CAAP1: variants seen among roughly 807,000 people sequenced by gnomAD.
The protein encoded by CAAP1 is caspase activity and apoptosis inhibitor 1.
In CAAP1, 20 loss-of-function variants were observed where a neutral mutation model predicts 34.0. The observed-to-expected ratio is 0.59, with a 90% CI of 0.41 to 0.86. The LOEUF (loss-of-function observed/expected upper bound fraction) is 0.86, where lower values mean the gene tolerates loss of function less well. CAAP1 is among the 40% of genes least tolerant of loss of function. The probability of loss-of-function intolerance (pLI) is 0.00; values close to 1 mark genes in which losing one functional copy is unlikely to be tolerated. For synonymous variants in CAAP1, 213 were observed against 166.7 expected, an observed-to-expected ratio of 1.28 and a Z score of -2.14; for missense variants, 538 against 450.5, an observed-to-expected ratio of 1.19 and a Z score of -1.76.
intron 1 of CAAP1, among the ~76,000 whole-genome samples, chr9:26,890,333 T>C (rs1823869365): frequency 6.6e-6 from 1 of 151,232 alleles, no homozygotes; most frequent in African/African-American, 2.4e-5. Flanking sequence ...ATGGTGCCAC[T>C]GCACTCCAGC....
In CAAP1 at chr9:26,892,398, G is replaced by A. The variant is rs767367973; in HGVS notation, c.303+15C>T. Reference sequence around the variant, plus strand: ...GCAGCAGCTCCAGGAAGCGGCCAGAGGGGCGCGCACGCACCTGCTGCAAGG... The same window carrying A: ...GCAGCAGCTCCAGGAAGCGGCCAGAAGGGCGCGCACGCACCTGCTGCAAGG... On this transcript the variant is annotated intron_variant, in intron 1 of 5. Coordinates refer to ENST00000333916, the MANE Select transcript of CAAP1 (RefSeq NM_024828.4). 1.9e-5 allele frequency: 30 copies of A among 1,604,214 alleles called. No homozygotes were observed. The highest frequency in any genetic ancestry group is 2.3e-5 in the Non-Finnish European group (27 of 1,178,706).
chr9:26,881,274 G>A (rs546157050), intron 4 of CAAP1, among the ~76,000 whole-genome samples: 32 of 152,272 alleles, frequency 2.1e-4, no homozygotes, highest in East Asian at 9.7e-4. Context: ...ATGCACAGTC[G>A]TTGTTGTAAT....
chr9:26,840,843 T>G lies in CAAP1; in HGVS notation c.*1458A>C, dbSNP rs923011021. ...AGCATATTAACTATTACTTTTAAGT[T>G]GAAATAGAAAAATTATATCACTGTC... On this transcript the variant is annotated 3_prime_UTR_variant, in exon 6 of 6. Coordinates refer to ENST00000333916, the MANE Select transcript of CAAP1 (RefSeq NM_024828.4). 2.6e-5 allele frequency: 4 copies of G among 152,238 alleles called. No individual in the cohort carries two copies. Among genetic ancestry groups the G allele is most frequent in the Admixed American group, 6.5e-5 (1 of 15,284 alleles). The allele number at this position is 152,238 out of a possible 1,614,324, so 9.4% of individuals were successfully genotyped here.
intron 4 of CAAP1, among the ~76,000 whole-genome samples, chr9:26,865,661 A>C (rs1250702858): frequency 6.6e-6 from 1 of 152,228 alleles, no homozygotes; most frequent in Non-Finnish European, 1.5e-5. Context: ...AAAATTCCAA[A>C]ACAAATTTTG....
intron 4 of CAAP1, among the ~76,000 whole-genome samples, chr9:26,878,888 A>T (rs796622691): frequency 1.3e-5 from 2 of 152,196 alleles, no homozygotes; most frequent in Middle Eastern, 3.2e-3. Context: ...GCCCAAAGTA[A>T]ACACTTTGTA....
intron 4 of CAAP1, among the ~76,000 whole-genome samples, chr9:26,878,778 G>A (rs921005084): frequency 5.3e-5 from 8 of 151,444 alleles, no homozygotes; most frequent in Admixed American, 1.3e-4. Context: ...ACTGCACACC[G>A]TACTCCAGCT....
intron 5 of CAAP1, among the ~76,000 whole-genome samples, chr9:26,845,767 TC>T (rs1822585315): frequency 6.6e-6 from 1 of 152,234 alleles, no homozygotes; most frequent in South Asian, 2.1e-4. Context: ...TTAGTCTCTC[TC>T]ATAAGGATAT....
At chr9:26,856,224 T>C (rs934185366) in intron 5 of CAAP1, among the ~76,000 whole-genome samples, 1 of 152,194 alleles carries the variant, frequency 6.6e-6, no homozygotes, top group Admixed American at 6.5e-5. Flanking sequence ...CATGCGACAG[T>C]TAATGTACAA....
At chr9:26,864,383 G>C (rs1008707812) in intron 4 of CAAP1, among the ~76,000 whole-genome samples, 2 of 152,050 alleles carry the variant, frequency 1.3e-5, no homozygotes, top group Non-Finnish European at 2.9e-5. Flanking sequence ...TAAATTTCTT[G>C]TCCAAATGTA....
chr9:26,865,123 C>A (rs978040508), intron 4 of CAAP1, among the ~76,000 whole-genome samples: 3 of 151,972 alleles, frequency 2.0e-5, no homozygotes, highest in Admixed American at 1.3e-4. Flanking sequence ...GAGAAAAATC[C>A]TTTTATACAT....
intron 5 of CAAP1, among the ~76,000 whole-genome samples, chr9:26,860,528 C>T (rs1822978285): frequency 6.6e-6 from 1 of 152,196 alleles, no homozygotes. Context: ...CGTGGTGGCT[C>T]ACCCCTGTAA....
intron 5 of CAAP1, among the ~76,000 whole-genome samples, chr9:26,856,995 A>G (rs988818808): frequency 1.1e-4 from 17 of 152,236 alleles, no homozygotes; most frequent in African/African-American, 4.1e-4. Context: ...ATACAGACCA[A>G]TATTTTACTA....
rs548752448 is a variant in CAAP1, at chr9:26,892,787, G to A, written c.-72C>T. On this transcript the variant is annotated 5_prime_UTR_variant, in exon 1 of 6. It adds an upstream start codon to the 5' untranslated region. Coordinates refer to ENST00000333916, the MANE Select transcript of CAAP1 (RefSeq NM_024828.4). ...CGACCGAAGCCCGACTCCTGCGGCC[G>A]TGGGCGGCAGGCACTGGCGTCGCAG... 7 of 1,415,614 alleles carry A rather than the reference G, an allele frequency of 4.9e-6. No individual in the cohort carries two copies. The South Asian group carries it at 6.8e-5, about 14-fold the overall frequency. 87.7% of individuals were successfully genotyped at this position (1,415,614 alleles called of 1,614,324 possible).
intron 5 of CAAP1, among the ~76,000 whole-genome samples, chr9:26,845,299 GTTCATC>G (rs1822574004): frequency 6.6e-6 from 1 of 152,190 alleles, no homozygotes; most frequent in East Asian, 1.9e-4. Flanking sequence ...TTCATGAGTT[GTTCATC>G]TTCATCTCTT....
intron 4 of CAAP1, among the ~76,000 whole-genome samples, chr9:26,868,878 TA>T (rs1188361621): frequency 6.6e-6 from 1 of 152,250 alleles, no homozygotes; most frequent in Non-Finnish European, 1.5e-5. Context: ...CTCTTGCTTG[TA>T]CTCTGCTTCA....
At position 26,873,675 on chromosome 9, in the gene CAAP1, C is replaced by G. The variant is rs1475094733; in HGVS notation, c.665+11135G>C. Among the ~76,000 whole-genome samples the G allele has an allele frequency of 2.0e-5, 3 of 152,150 alleles. No homozygotes were observed. In the East Asian group the frequency reaches 5.8e-4, roughly 29 times the overall value. ...CCAGCCCATCTCCGATCAAAGACAA[C>G]ACTCTAATTCCAAGACTTCATATTA... On this transcript the variant is annotated intron_variant, in intron 4 of 5. Coordinates refer to ENST00000333916, the MANE Select transcript of CAAP1 (RefSeq NM_024828.4).
intron 5 of CAAP1, among the ~76,000 whole-genome samples, chr9:26,852,558 A>C (rs1447539982): frequency 1.3e-5 from 2 of 152,142 alleles, no homozygotes; most frequent in African/African-American, 4.8e-5. Flanking sequence ...AATCTTAAAA[A>C]CAGTAGTTTG....
chr9:26,890,187 T>A (rs753477642), intron 1 of CAAP1, among the ~76,000 whole-genome samples: 13 of 151,880 alleles, frequency 8.6e-5, no homozygotes, highest in Non-Finnish European at 1.5e-4. Flanking sequence ...CTGACCAACA[T>A]GGTGAAAACC....
intron 4 of CAAP1, among the ~76,000 whole-genome samples, chr9:26,862,464 G>A (rs1823024596): frequency 6.6e-6 from 1 of 151,346 alleles, no homozygotes; most frequent in Non-Finnish European, 1.5e-5. Flanking sequence ...AATAAGAGGA[G>A]GATGGATATA....
Sources: gnomAD v4.1 joint callset for allele counts (sites outside exome capture counted in the v4.1 genomes callset) on GRCh38, gnomAD v4.1.1 for gene constraint, MANE v1.5 for transcripts, NCBI Gene and HGNC (gene_info 2026-07-23, HGNC 2026-07-21) for gene names.